BRCA1: variants seen among roughly 807,000 people sequenced by gnomAD.
BRCA1 encodes the protein breast cancer type 1 susceptibility protein.
A neutral mutation model predicts 173.7 loss-of-function variants in BRCA1; 140 were observed. The observed-to-expected ratio is 0.81, with a 90% CI of 0.70 to 0.93. The LOEUF (loss-of-function observed/expected upper bound fraction) is 0.93, where lower values mean the gene tolerates loss of function less well. BRCA1 is among the 40% of genes least tolerant of loss of function. BRCA1 has a pLI of 0.00. For synonymous variants in BRCA1, 662 were observed against 756.0 expected, an observed-to-expected ratio of 0.88 and a Z score of 2.04; for missense variants, 1,983 against 2,172.5, an observed-to-expected ratio of 0.91 and a Z score of 1.73.
chr17:43,130,644 A>G (rs1229176305), intron 1 of BRCA1, among the ~76,000 whole-genome samples: 1 of 152,180 alleles, frequency 6.6e-6, no homozygotes, highest in Non-Finnish European at 1.5e-5. Context: ...TTTGAATGAC[A>G]TTTTGAAAGA....
chr17:43,048,992 C>T, intron 21 of BRCA1, 129 bp downstream of exon 21: 1 of 849,202 alleles, frequency 1.2e-6, no homozygotes, highest in Non-Finnish European at 2.0e-6. Context: ...AGTCTTTTGG[C>T]ACAGGTATGT....
rs1248071707 is a variant in BRCA1, at chr17:43,144,978, C to T, written c.-19-20863G>A. The stretch of plus-strand genomic sequence containing the variant: ...AGGATGCCCAAGAAAAAGGTCAGCT[C>T]CACCGAAGGGGCTGCCATGGAAGAG... On this transcript the variant is annotated intron_variant, in intron 1 of 7. Transcript: ENST00000634433. 3 of 636,448 alleles carry T rather than the reference C, an allele frequency of 4.7e-6. No individual in the cohort carries two copies. The African/African-American group carries it at 5.5e-5, about 12-fold the overall frequency. The allele number at this position is 636,448 out of a possible 1,614,324, so 39.4% of individuals were successfully genotyped here. A position where few individuals can be genotyped will look rare whatever the true frequency, so the allele number is the denominator to read the frequency against.
chr17:43,110,397 G>T, intron 3 of BRCA1: 1 of 237,846 alleles, frequency 4.2e-6, no homozygotes, highest in South Asian at 4.5e-5. Flanking sequence ...ACCAGCCTGG[G>T]AAACATGGCG....
chr17:43,075,309 T>C (rs1027412221), intron 13 of BRCA1, among the ~76,000 whole-genome samples: 2 of 152,220 alleles, frequency 1.3e-5, no homozygotes, highest in African/African-American at 4.8e-5. Flanking sequence ...TGCCTGCCTT[T>C]TCAATGTTCA....
At chr17:43,149,812 G>C (rs182462988) in intron 1 of BRCA1, among the ~76,000 whole-genome samples, 1 of 151,566 alleles carries the variant, frequency 6.6e-6, no homozygotes, top group African/African-American at 2.4e-5. Flanking sequence ...TTTTTGAGAC[G>C]GAGTCTTGCT....
chr17:43,068,208 C>T (rs1274577524), intron 15 of BRCA1, among the ~76,000 whole-genome samples: 1 of 150,150 alleles, frequency 6.7e-6, no homozygotes, highest in Non-Finnish European at 1.5e-5. Flanking sequence ...ACCCAGGAAG[C>T]AGAGCTTGCA....
rs1357777326 is a variant in BRCA1, at chr17:43,158,619, C to A, written c.-20+11507G>T. ...TTTGAATGTTACTCACTATTAACCA[C>A]CATATTTTAAAAAATTAATTGAAGA... On this transcript the variant is annotated intron_variant, in intron 1 of 7. Transcript: ENST00000634433. Among the ~76,000 whole-genome samples, 6 of 152,050 alleles carry A rather than the reference C, an allele frequency of 3.9e-5. 1 individual carries two copies. Among genetic ancestry groups the A allele is most frequent in the Non-Finnish European group, 8.8e-5 (6 of 68,004 alleles).
At chr17:43,108,522 G>A (rs568916281) in intron 3 of BRCA1, among the ~76,000 whole-genome samples, 1 of 151,504 alleles carries the variant, frequency 6.6e-6, no homozygotes, top group African/African-American at 2.4e-5. Flanking sequence ...GGCTAACATG[G>A]TGAAACCCTG....
intron 9 of BRCA1, 41 bp downstream of exon 9, chr17:43,095,805 C>CT: frequency 6.6e-7 from 1 of 1,513,026 alleles, no homozygotes. Flanking sequence ...TCTACCCACT[C>CT]TCTTTTCAGT....
chr17:43,138,813 A>C lies in BRCA1; in HGVS notation c.-19-14698T>G, dbSNP rs531807880. ...CGTGCAGGCTCTGGTGGTCAGCTGG[A>C]CTCCATACTCCCCCACCAGTCACCA... On this transcript the variant is annotated intron_variant, in intron 1 of 7. Transcript: ENST00000634433. The C allele has an allele frequency of 2.8e-5, 22 of 778,322 alleles. No individual in the cohort carries two copies. In the East Asian group the frequency reaches 5.1e-4, roughly 18 times the overall value. The allele number at this position is 778,322 out of a possible 1,614,324, so 48.2% of individuals were successfully genotyped here. A position where few individuals can be genotyped will look rare whatever the true frequency, so the allele number is the denominator to read the frequency against.
At chr17:43,064,027 G>T in intron 16 of BRCA1, 76 bp from the exon 17 acceptor site, 1 of 1,321,970 alleles carries the variant, frequency 7.6e-7, no homozygotes, top group Non-Finnish European at 1.1e-6. Context: ...AAGCTAAAGA[G>T]CCTCAGTTTT....
chr17:43,170,205 G>C (rs1459796027), exon 1 of BRCA1: 1 of 192,380 alleles, frequency 5.2e-6, no homozygotes, highest in African/African-American at 2.4e-5. Context: ...GCCGAGGAAA[G>C]GGGTTCCACA....
chr17:43,132,199 C>T (rs2055972861), intron 1 of BRCA1, among the ~76,000 whole-genome samples: 1 of 152,180 alleles, frequency 6.6e-6, no homozygotes, highest in Non-Finnish European at 1.5e-5. Context: ...TCTGGGCTCT[C>T]TGCTTGGGGC....
Position 43,110,616 on chromosome 17 carries a change from A to G in BRCA1, c.135-4083T>C, listed in dbSNP as rs1484557842. The G allele has an allele frequency of 2.3e-5, 9 of 392,940 alleles. 1 individual carries two copies. In the Admixed American group the frequency reaches 2.9e-4, roughly 13 times the overall value. 24.3% of individuals were successfully genotyped at this position (392,940 alleles called of 1,614,324 possible). A position where few individuals can be genotyped will look rare whatever the true frequency, so the allele number is the denominator to read the frequency against. ...AAAAAAAAAAAAAAGTAGCTGTTGA[A>G]AAATTTAAGTTACATTTATTGCTCA... On this transcript the variant is annotated intron_variant, in intron 3 of 22. Coordinates refer to ENST00000357654, the MANE Select transcript of BRCA1 (RefSeq NM_007294.4).
chr17:43,154,771 T>C (rs2056186034), intron 1 of BRCA1, among the ~76,000 whole-genome samples: 1 of 151,876 alleles, frequency 6.6e-6, no homozygotes, highest in African/African-American at 2.4e-5. Flanking sequence ...TCTAGTGTGG[T>C]AGACAGTTGA....
At position 43,093,265 on chromosome 17, in the gene BRCA1, T is replaced by C. The variant is rs1064795091; in HGVS notation, c.2266A>G (p.Arg756Gly). 6.2e-7 allele frequency: 1 copy of C among 1,614,104 alleles called. No homozygotes were observed. The highest frequency in any genetic ancestry group is 8.5e-7 in the Non-Finnish European group (1 of 1,179,992). ...DPKDLMLSGE[R>G]VLQTERSVES... Reference sequence around the variant, plus strand: ...ACAGATCTTTCAGTTTGCAAAACCCTTTCTCCACTTAACATGAGATCTTTG... The same window carrying C: ...ACAGATCTTTCAGTTTGCAAAACCCCTTCTCCACTTAACATGAGATCTTTG... The change falls in exon 10 of 23, where the codon AGG becomes GGG. Residue 756 changes from arginine (R) to glycine (G), a missense_variant. Physicochemically the swap from Arg to Gly is moderately radical, Grantham distance 125. Coordinates refer to ENST00000357654, the MANE Select transcript of BRCA1 (RefSeq NM_007294.4).
At chr17:43,136,167 T>A (rs1464247868) in intron 1 of BRCA1, among the ~76,000 whole-genome samples, 1 of 152,114 alleles carries the variant, frequency 6.6e-6, no homozygotes, top group Non-Finnish European at 1.5e-5. Flanking sequence ...TTGGATAGAC[T>A]GAAACAGGCA....
chr17:43,068,103 C>G (rs1009223412), intron 15 of BRCA1, among the ~76,000 whole-genome samples: 2 of 151,390 alleles, frequency 1.3e-5, no homozygotes, highest in Admixed American at 6.6e-5. Context: ...CGGTGAAACC[C>G]TGTCTCTACT....
In BRCA1 at chr17:43,093,940, T is replaced by C. The variant is rs2053916000; in HGVS notation, c.1591A>G (p.Met531Val). The part of the protein sequence containing the change: ...ADLAVQKTPE[M>V]INQGTNQTEQ... ...GTTTGGTTAGTTCCCTGATTTATCA[T>C]TTCAGGAGTCTTTTGAACTGCCAAA... is the stretch of plus-strand genomic sequence containing the variant. Residue 531 changes from methionine to valine, a missense_variant, in exon 10 of 23, where the codon ATG becomes GTG. Met to Val is a conservative substitution (Grantham distance 21). Transcript: ENST00000357654. 1 of 1,613,888 alleles carries C rather than the reference T, an allele frequency of 6.2e-7. No individual in the cohort carries two copies.
Sources: gnomAD v4.1 joint callset for allele counts (sites outside exome capture counted in the v4.1 genomes callset) on GRCh38, gnomAD v4.1.1 for gene constraint, MANE v1.5 for transcripts, NCBI Gene and HGNC (gene_info 2026-07-23, HGNC 2026-07-21) for gene names.